Variants in DOCK8 observed in about 807,000 individuals in gnomAD.
DOCK8 encodes the protein dedicator of cytokinesis 8, also known as dedicator of cytokinesis protein 8.
In DOCK8, 141 loss-of-function variants were observed where a neutral mutation model predicts 245.6. That is an observed-to-expected ratio of 0.57 (90% CI 0.50 to 0.66). DOCK8 has a LOEUF of 0.66. Among genes scored for constraint, DOCK8 ranks in the 30% least tolerant of loss-of-function variants. The pLI is 0.00. For synonymous variants in DOCK8, 1,168 were observed against 970.2 expected, an observed-to-expected ratio of 1.20 and a Z score of -3.79; for missense variants, 2,965 against 2,603.4, an observed-to-expected ratio of 1.14 and a Z score of -3.02.
intron 34 of DOCK8, among the ~76,000 whole-genome samples, chr9:427,261 G>C (rs2056537537): frequency 6.6e-6 from 1 of 152,154 alleles, no homozygotes; most frequent in African/African-American, 2.4e-5. Context: ...TATGTACCAA[G>C]TTTATAATAT....
chr9:422,932 C>T (rs2056333127), intron 33 of DOCK8, among the ~76,000 whole-genome samples: 1 of 150,374 alleles, frequency 6.7e-6, no homozygotes, highest in Non-Finnish European at 1.5e-5. Context: ...TTGCAGTGAG[C>T]CAAGATCGTG....
intron 4 of DOCK8, among the ~76,000 whole-genome samples, chr9:291,543 C>G (rs569856767): frequency 5.3e-5 from 8 of 152,102 alleles, no homozygotes; most frequent in African/African-American, 1.9e-4. Flanking sequence ...AATATGCTTC[C>G]TCAATACAAT....
intron 28 of DOCK8, among the ~76,000 whole-genome samples, chr9:408,549 G>A (rs537534560): frequency 6.0e-4 from 91 of 152,070 alleles, no homozygotes; most frequent in Non-Finnish European, 1.1e-3. Flanking sequence ...AAAGTGCACC[G>A]AACACTTATG....
chr9:453,667 T>C (rs541049026), intron 46 of DOCK8, among the ~76,000 whole-genome samples: 1 of 152,302 alleles, frequency 6.6e-6, no homozygotes, highest in South Asian at 2.1e-4. Context: ...CCTCAAATGA[T>C]CCACCTGCCT....
At chr9:365,598 T>C (rs549933067) in intron 14 of DOCK8, 2 of 456,194 alleles carry the variant, frequency 4.4e-6, no homozygotes, top group Non-Finnish European at 8.8e-6. Flanking sequence ...CAGAGAAGTC[T>C]TCCAGGTTTC....
At chr9:313,111 G>A (rs2050197295) in intron 6 of DOCK8, among the ~76,000 whole-genome samples, 1 of 152,190 alleles carries the variant, frequency 6.6e-6, no homozygotes, top group African/African-American at 2.4e-5. Flanking sequence ...TGGTCAGCAA[G>A]GAGGACAATA....
intron 38 of DOCK8, 143 bp downstream of exon 38, chr9:434,118 T>G: frequency 1.5e-6 from 1 of 685,104 alleles, no homozygotes; most frequent in Non-Finnish European, 2.6e-6. Flanking sequence ...AATTAAACAT[T>G]CAGAGTAGGT....
chr9:427,500 T>A (rs977061542), intron 34 of DOCK8, among the ~76,000 whole-genome samples: 1 of 152,238 alleles, frequency 6.6e-6, no homozygotes, highest in Admixed American at 6.5e-5. Flanking sequence ...TAGAAAAATA[T>A]AGCTTTGTGA....
At chr9:323,756 T>A (rs1381319425) in intron 7 of DOCK8, among the ~76,000 whole-genome samples, 3 of 152,232 alleles carry the variant, frequency 2.0e-5, no homozygotes, top group Non-Finnish European at 2.9e-5. Flanking sequence ...AGGGGAATCA[T>A]GAAGTAACTG....
At chr9:362,648 GAGGTGTTCAA>G (rs949172484) in intron 14 of DOCK8, among the ~76,000 whole-genome samples, 1 of 152,188 alleles carries the variant, frequency 6.6e-6, no homozygotes, top group African/African-American at 2.4e-5. Flanking sequence ...CTCAGCTAAA[GAGGTGTTCAA>G]AGGGTCCAGT....
At chr9:332,072 C>T (rs2051037534) in intron 9 of DOCK8, among the ~76,000 whole-genome samples, 1 of 152,072 alleles carries the variant, frequency 6.6e-6, no homozygotes, top group South Asian at 2.1e-4. Context: ...ATACATAATA[C>T]ATGTTTATTG....
At chr9:292,598 A>G (rs1373062360) in intron 4 of DOCK8, among the ~76,000 whole-genome samples, 1 of 151,210 alleles carries the variant, frequency 6.6e-6, no homozygotes, top group East Asian at 1.9e-4. Flanking sequence ...TTATTCGTGA[A>G]ATTTGTGCAT....
At chr9:412,736 A>G (rs1332177384) in intron 28 of DOCK8, among the ~76,000 whole-genome samples, 2 of 152,214 alleles carry the variant, frequency 1.3e-5, no homozygotes, top group African/African-American at 4.8e-5. Flanking sequence ...ACTAAAAATG[A>G]CAAAACACTG....
chr9:326,622 G>A (rs1314788346), intron 8 of DOCK8, among the ~76,000 whole-genome samples: 1 of 152,198 alleles, frequency 6.6e-6, no homozygotes, highest in African/African-American at 2.4e-5. Context: ...GCAAGAAGTT[G>A]CTGTCTTTGT....
At chr9:376,926 G>T in intron 19 of DOCK8, 51 bp from the exon 20 acceptor site, 1 of 1,508,290 alleles carries the variant, frequency 6.6e-7, no homozygotes, top group Non-Finnish European at 9.1e-7. Context: ...GAATCCACTG[G>T]TGAACATTGA....
chr9:424,043 A>G lies in DOCK8; in HGVS notation c.4241+1908A>G, dbSNP rs756626153. ...TCAGAGCTAATGATTCACATCTACAAATTCTCAGGGGCTTTGTGCTTTTTT... is the reference window on the plus strand; with the variant it reads ...TCAGAGCTAATGATTCACATCTACAGATTCTCAGGGGCTTTGTGCTTTTTT... On this transcript the variant is annotated intron_variant, in intron 33 of 47. Transcript: ENST00000432829. 5.5e-4 allele frequency among the ~76,000 whole-genome samples: 79 copies of G among 143,796 alleles called. 1 individual carries two copies. Among genetic ancestry groups the G allele is most frequent in the Non-Finnish European group, 1.2e-4 (8 of 66,114 alleles). The allele number at this position is 143,796 out of a possible 152,430, so 94.3% of individuals were successfully genotyped here.
At chr9:367,289 C>T (rs1033114635) in intron 14 of DOCK8, among the ~76,000 whole-genome samples, 2 of 152,174 alleles carry the variant, frequency 1.3e-5, no homozygotes, top group South Asian at 2.1e-4. Flanking sequence ...TTACTTAATA[C>T]TCCTGTGTCC....
chr9:331,998 C>T (rs2051033029), intron 9 of DOCK8, among the ~76,000 whole-genome samples: 1 of 152,162 alleles, frequency 6.6e-6, no homozygotes, highest in Non-Finnish European at 1.5e-5. Flanking sequence ...ATGAGTTTTC[C>T]ACTTCCTACG....
chr9:326,895 C>T (rs1386760300), intron 8 of DOCK8, among the ~76,000 whole-genome samples: 1 of 152,216 alleles, frequency 6.6e-6, no homozygotes, highest in Non-Finnish European at 1.5e-5. Context: ...AATGTAGTCT[C>T]TGCCTGGGCA....
Sources: allele counts gnomAD v4.1 joint callset (sites outside exome capture counted in the v4.1 genomes callset), GRCh38; gene constraint gnomAD v4.1.1; transcripts MANE v1.5; gene names NCBI Gene and HGNC (gene_info 2026-07-23, HGNC 2026-07-21).